The following SLCO4A1 variants were observed in gnomAD, a reference collection of about 807,000 sequenced individuals.
SLCO4A1 encodes the protein solute carrier organic anion transporter family member 4A1.
SLCO4A1 carries 51 observed loss-of-function variants against 64.6 expected under a neutral mutation model. The observed-to-expected ratio is 0.79, with a 90% CI of 0.63 to 1.00. The LOEUF (loss-of-function observed/expected upper bound fraction) is 1.00, where lower values mean the gene tolerates loss of function less well. Ranked by LOEUF, SLCO4A1 falls within the 50% of genes least tolerant of loss-of-function variation. SLCO4A1 has a pLI of 0.00. For synonymous variants in SLCO4A1, 471 were observed against 444.9 expected (o/e 1.06, Z -0.74); for missense variants, 919 against 980.5 (o/e 0.94, Z 0.84).
chr20:62,668,412 C>T, intron 9 of SLCO4A1, 65 bp from the exon 10 acceptor site: 1 of 1,544,940 alleles, frequency 6.5e-7, no homozygotes, highest in South Asian at 1.1e-5. Context: ...GGCCACTGGC[C>T]TAGGGGGTGA....
intron 1 of SLCO4A1, among the ~76,000 whole-genome samples, chr20:62,655,058 A>G (rs577507106): frequency 6.6e-6 from 1 of 152,332 alleles, no homozygotes; most frequent in South Asian, 2.1e-4. Context: ...TAAAGGCCTG[A>G]GTTTCAAAAA....
intron 1 of SLCO4A1, among the ~76,000 whole-genome samples, chr20:62,656,147 G>A (rs1601629427): frequency 6.6e-6 from 1 of 152,258 alleles, no homozygotes; most frequent in Non-Finnish European, 1.5e-5. Context: ...GCTGGGCACA[G>A]CCCCCCACCT....
At chr20:62,686,015 G>T (rs1319188214), downstream of SLCO4A1, among the ~76,000 whole-genome samples, 1 of 152,148 alleles carries the variant, frequency 6.6e-6, no homozygotes, top group African/African-American at 2.4e-5. Context: ...TAGCAAGACA[G>T]TGTGGGGAAG....
intron 1 of SLCO4A1, among the ~76,000 whole-genome samples, chr20:62,654,905 G>A (rs951788414): frequency 6.6e-6 from 1 of 152,228 alleles, no homozygotes; most frequent in South Asian, 2.1e-4. Flanking sequence ...CCCCTCGGAG[G>A]CTGTGAGGGA....
Position 62,661,256 on chromosome 20 carries a change from T to A in SLCO4A1, c.1121+81T>A. 6 of 974,240 alleles carry A rather than the reference T, an allele frequency of 6.2e-6. No individual in the cohort carries two copies. In the South Asian group the frequency reaches 7.8e-5, roughly 13 times the overall value. 60.3% of individuals were successfully genotyped at this position (974,240 alleles called of 1,614,324 possible). ...ATCTTGGGGGAGTCGTTGAGACCCC[T>A]CCGGGATCATGATGGGGACGCAGCC... is the stretch of plus-strand genomic sequence containing the variant. On this transcript the variant is annotated intron_variant, in intron 5 of 11. Transcript: ENST00000217159. The surrounding 1 kb of genome is among the most constrained non-coding windows in gnomAD (Gnocchi z 5.2).
At chr20:62,643,061 G>T (rs1274098402) in intron 1 of SLCO4A1, 3 of 469,644 alleles carry the variant, frequency 6.4e-6, no homozygotes, top group Non-Finnish European at 1.3e-5. Context: ...TTCATGCACG[G>T]AAGTTTCTCG....
At position 62,658,064 on chromosome 20, in the gene SLCO4A1, C is replaced by T. The variant is rs923627371; in HGVS notation, c.797-613C>T. On this transcript the variant is annotated intron_variant, in intron 2 of 11. Transcript: ENST00000217159. The stretch of plus-strand genomic sequence containing the variant: ...GCACGGCCCGCCTGACCCCACTTCT[C>T]GGCGTCCCCCTGCCTGGCTTGGCTC... Among the ~76,000 whole-genome samples, 5 of 152,194 alleles carry T rather than the reference C, an allele frequency of 3.3e-5. No homozygotes were observed. The South Asian group carries it at 6.2e-4, about 19-fold the overall frequency.
intron 2 of SLCO4A1, among the ~76,000 whole-genome samples, 163 bp from the exon 3 acceptor site, chr20:62,658,514 G>C (rs987508992): frequency 2.0e-5 from 3 of 152,250 alleles, no homozygotes; most frequent in Non-Finnish European, 4.4e-5. Flanking sequence ...CAGGCCCAGT[G>C]GCAACTGCAC....
downstream of SLCO4A1, among the ~76,000 whole-genome samples, chr20:62,676,375 G>A (rs1987594900): frequency 2.6e-5 from 4 of 152,346 alleles, no homozygotes; most frequent in South Asian, 8.3e-4. Flanking sequence ...AGCCATGAAT[G>A]TGCCACTGCA....
In SLCO4A1 at chr20:62,661,957, G is replaced by GGTGGCCACCACCCAAGTCCTCAGC. The variant is rs1985028305; in HGVS notation, c.1121+785_1121+808dup. Among the ~76,000 whole-genome samples the GGTGGCCACCACCCAAGTCCTCAGC allele has an allele frequency of 6.6e-6, 1 of 152,090 alleles. No individual in the cohort carries two copies. Among genetic ancestry groups the GGTGGCCACCACCCAAGTCCTCAGC allele is most frequent in the Admixed American group, 6.5e-5 (1 of 15,276 alleles). On this transcript the variant is annotated intron_variant, in intron 5 of 11. Transcript: ENST00000217159. This position sits in a 1 kb window ranked among gnomAD's most constrained non-coding sequence, Gnocchi z 5.2. ...AGGGCTGGGCACAGGTGGCCCTCAG[G>GGTGGCCACCACCCAAGTCCTCAGC]GTGGCCACCACCCAAGTCCTCAGCG...
chr20:62,657,010 G>T lies in SLCO4A1; in HGVS notation c.556G>T (p.Val186Leu). 1 of 1,580,754 alleles carries T rather than the reference G, an allele frequency of 6.3e-7. No homozygotes were observed. The stretch of plus-strand genomic sequence containing the variant: ...GCTGCTTATGGGCACGGGGTCGCTG[G>T]TGTTCGCGCTGCCCCACTTCACGGC... ...GVLLMGTGSL[V>L]FALPHFTAGR... The change falls in exon 2 of 12, where the codon GTG becomes TTG. Residue 186 changes from valine to leucine, a missense_variant. By Grantham distance (32) the Val-to-Leu change is conservative. Coordinates refer to ENST00000217159, the MANE Select transcript of SLCO4A1 (RefSeq NM_016354.4).
chr20:62,646,435 G>T (rs1981341177), intron 1 of SLCO4A1, among the ~76,000 whole-genome samples: 3 of 152,256 alleles, frequency 2.0e-5, no homozygotes, highest in Admixed American at 2.0e-4. Context: ...CTGTAAAGGG[G>T]TCCCCCCACA....
At chr20:62,662,207 A>G (rs773801518) in intron 5 of SLCO4A1, among the ~76,000 whole-genome samples, 1 of 152,070 alleles carries the variant, frequency 6.6e-6, no homozygotes, top group African/African-American at 2.4e-5. Flanking sequence ...CTGGATGAAG[A>G]TGGGAAAGAG....
Position 62,672,086 on chromosome 20 carries a change from A to C in SLCO4A1, c.*193A>C. 6.9e-7 allele frequency: 1 copy of C among 1,458,578 alleles called. No individual in the cohort carries two copies. Among genetic ancestry groups the C allele is most frequent in the Non-Finnish European group, 9.0e-7 (1 of 1,106,220 alleles). 90.4% of individuals were successfully genotyped at this position (1,458,578 alleles called of 1,614,324 possible). A position where few individuals can be genotyped will look rare whatever the true frequency, so the allele number is the denominator to read the frequency against. On this transcript the variant is annotated 3_prime_UTR_variant, in exon 12 of 12. Transcript: ENST00000217159. The stretch of plus-strand genomic sequence containing the variant: ...CCTGCAGTGGGTGGGAGGAACTTGC[A>C]TAAATATATATTTATGGACACACAG...
chr20:62,642,572 G>A lies in SLCO4A1; in HGVS notation c.-97+19G>A. On this transcript the variant is annotated intron_variant, in intron 1 of 11. Transcript: ENST00000217159. ...GGGGACGGTGAGTGCGCGGGGAGCG[G>A]GGAGCTGGCGCGGGTGCACAGGGCC... is the stretch of plus-strand genomic sequence containing the variant. 1 of 191,588 alleles carries A rather than the reference G, an allele frequency of 5.2e-6. No individual in the cohort carries two copies. Among genetic ancestry groups the A allele is most frequent in the South Asian group, 7.3e-5 (1 of 13,684 alleles). 11.9% of individuals were successfully genotyped at this position (191,588 alleles called of 1,614,324 possible). A position where few individuals can be genotyped will look rare whatever the true frequency, so the allele number is the denominator to read the frequency against.
At chr20:62,642,737 C>A (rs1180999401) in intron 1 of SLCO4A1, among the ~76,000 whole-genome samples, 184 bp downstream of exon 1, 7 of 152,108 alleles carry the variant, frequency 4.6e-5, no homozygotes, top group Non-Finnish European at 8.8e-5. Context: ...CAGGACCGAG[C>A]GGAATCGGAG....
rs1988017272 is a variant in SLCO4A1, at chr20:62,685,238, G to A, written n.212-203G>A. On this transcript the variant is annotated intron_variant and non_coding_transcript_variant, in intron 2 of 2. Transcript: ENST00000466818. This position sits in a 1 kb window ranked among gnomAD's most constrained non-coding sequence, Gnocchi z 4.6. Reference sequence around the variant, plus strand: ...GCAGGGGAGGGTGGCAGCGGGGTGTGGGGGCAGGAGGAGGGGGGTGGTGGG... The same window carrying A: ...GCAGGGGAGGGTGGCAGCGGGGTGTAGGGGCAGGAGGAGGGGGGTGGTGGG... Among the ~76,000 whole-genome samples the A allele has an allele frequency of 3.4e-5, 5 of 149,250 alleles. No individual in the cohort carries two copies. The South Asian group carries it at 1.1e-3, about 32-fold the overall frequency.
At chr20:62,677,154 G>A (rs1569154404), downstream of SLCO4A1, among the ~76,000 whole-genome samples, 1 of 152,220 alleles carries the variant, frequency 6.6e-6, no homozygotes, top group Admixed American at 6.5e-5. Context: ...AGGCGGGAGC[G>A]ACTGTCATGG....
In SLCO4A1 at chr20:62,645,668, C is replaced by T. The variant is rs1601601584; in HGVS notation, c.-97+3115C>T. Reference sequence around the variant, plus strand: ...GGAAGGTGACTGCTTTTTCAAACCACGTGCCTTCTGCAGAAGCCGCTCCCC... The same window carrying T: ...GGAAGGTGACTGCTTTTTCAAACCATGTGCCTTCTGCAGAAGCCGCTCCCC... On this transcript the variant is annotated intron_variant, in intron 1 of 11. Coordinates refer to ENST00000217159, the MANE Select transcript of SLCO4A1 (RefSeq NM_016354.4). The surrounding 1 kb of genome is among the most constrained non-coding windows in gnomAD (Gnocchi z 4.2). Among the ~76,000 whole-genome samples, 1 of 151,946 alleles carries T rather than the reference C, an allele frequency of 6.6e-6. No homozygotes were observed. Among genetic ancestry groups the T allele is most frequent in the African/African-American group, 2.4e-5 (1 of 41,398 alleles).
Sources: gnomAD v4.1 joint callset for allele counts (sites outside exome capture counted in the v4.1 genomes callset) on GRCh38, gnomAD v4.1.1 for gene constraint, Gnocchi (gnomAD v3.1) non-coding constraint, MANE v1.5 for transcripts, NCBI Gene and HGNC (gene_info 2026-07-23, HGNC 2026-07-21) for gene names.